Variants in KCNJ5 observed in about 807,000 individuals in gnomAD.
KCNJ5 encodes G protein-activated inward rectifier potassium channel 4.
A neutral mutation model predicts 20.2 loss-of-function variants in KCNJ5; 12 were observed. The ratio of observed to expected loss-of-function variants is 0.59; its 90% confidence interval spans 0.38 to 0.96. The LOEUF (loss-of-function observed/expected upper bound fraction) is 0.96, where lower values mean the gene tolerates loss of function less well. KCNJ5 is among the 40% of genes least tolerant of loss of function. KCNJ5 has a pLI of 0.00. For synonymous variants in KCNJ5, 210 were observed against 213.9 expected (o/e 0.98, Z 0.16); for missense variants, 449 against 557.6 (o/e 0.81, Z 1.96).
intron 1 of KCNJ5, among the ~76,000 whole-genome samples, chr11:128,906,797 T>G (rs1944424144): frequency 6.6e-6 from 1 of 152,154 alleles, no homozygotes; most frequent in East Asian, 1.9e-4. Flanking sequence ...AGATGAACTT[T>G]CTTTCTTCAG....
At chr11:128,902,069 T>TG (rs1413941156) in intron 1 of KCNJ5, 1 of 169,786 alleles carries the variant, frequency 5.9e-6, no homozygotes, top group East Asian at 1.8e-4. Flanking sequence ...GTGCCCTTTC[T>TG]GGGGCATTCT....
At chr11:128,896,607 G>GT (rs1565542600) in intron 1 of KCNJ5, among the ~76,000 whole-genome samples, 265 of 149,256 alleles carry the variant, frequency 1.8e-3, no homozygotes, top group African/African-American at 4.2e-3. Flanking sequence ...GCTTGTTGGG[G>GT]GTGTGTGTGT....
At chr11:128,908,632 G>A (rs1944457301) in intron 1 of KCNJ5, among the ~76,000 whole-genome samples, 3 of 152,228 alleles carry the variant, frequency 2.0e-5, no homozygotes, top group Non-Finnish European at 4.4e-5. Flanking sequence ...ATGTATGCAA[G>A]TATGTTTAAA....
chr11:128,903,362 C>A, intron 1 of KCNJ5: 1 of 1,614,090 alleles, frequency 6.2e-7, no homozygotes, highest in Non-Finnish European at 8.5e-7. Flanking sequence ...GGCAGCTGCA[C>A]TCACCTCACA....
intron 2 of KCNJ5, among the ~76,000 whole-genome samples, chr11:128,915,979 TG>T (rs1944572160): frequency 9.6e-5 from 9 of 93,446 alleles, no homozygotes; most frequent in East Asian, 5.7e-4. Flanking sequence ...GATGGATGGA[TG>T]GATGATTGGA....
chr11:128,902,326 A>C, intron 1 of KCNJ5: 1 of 600,682 alleles, frequency 1.7e-6, no homozygotes, highest in Non-Finnish European at 2.9e-6. Context: ...GGAAGGACTC[A>C]GCGCTTGCAG....
At chr11:128,913,477 C>T (rs962783092) in intron 2 of KCNJ5, among the ~76,000 whole-genome samples, 12 of 152,268 alleles carry the variant, frequency 7.9e-5, no homozygotes, top group South Asian at 2.1e-4. Context: ...GGCCTGGGAC[C>T]GCCTGAACTC....
Position 128,916,660 on chromosome 11 carries a change from G to A in KCNJ5, c.1189G>A (p.Glu397Lys). ...CTGTGCTGAGGCAGGGCTGGATGCA[G>A]AGGCTGAGCAGAATGAAGAAGATGA... The part of the protein sequence containing the change: ...GGCAEAGLDA[E>K]AEQNEEDEPK... Residue 397 changes from glutamate (E) to lysine (K), a missense_variant, in exon 3 of 3, where the codon GAG (glutamate) becomes AAG (lysine). Physicochemically the swap from Glu to Lys is moderately conservative, Grantham distance 56. Coordinates refer to ENST00000529694, the MANE Select transcript of KCNJ5 (RefSeq NM_000890.5). The A allele has an allele frequency of 1.9e-6, 3 of 1,612,876 alleles. No individual in the cohort carries two copies. The South Asian group carries it at 3.3e-5, about 18-fold the overall frequency.
In KCNJ5 at chr11:128,916,772, T is replaced by A. The variant is rs770346318; in HGVS notation, c.*41T>A. 24 of 1,453,176 alleles carry A rather than the reference T, an allele frequency of 1.7e-5. No homozygotes were observed. Among genetic ancestry groups the A allele is most frequent in the Middle Eastern group, 4.4e-4 (2 of 4,536 alleles). 90.0% of individuals were successfully genotyped at this position (1,453,176 alleles called of 1,614,324 possible). ...TAAGACCTCCTGTCACTGGCTTCAG[T>A]GAACACAGACACTGCAGAGCCTGGG... On this transcript the variant is annotated 3_prime_UTR_variant, in exon 3 of 3. Coordinates refer to ENST00000529694, the MANE Select transcript of KCNJ5 (RefSeq NM_000890.5).
chr11:128,905,688 T>C (rs1944396270), intron 1 of KCNJ5: 1 of 147,772 alleles, frequency 6.8e-6, no homozygotes, highest in African/African-American at 2.5e-5. Context: ...ACCTGGACCT[T>C]AGGCGTGGGA....
intron 1 of KCNJ5, among the ~76,000 whole-genome samples, chr11:128,907,904 A>G (rs1292683125): frequency 1.3e-5 from 2 of 152,192 alleles, no homozygotes; most frequent in East Asian, 3.8e-4. Flanking sequence ...GTAGTTCCTC[A>G]ATTAATGTGT....
In KCNJ5 at chr11:128,917,430, C is replaced by G. The variant is rs1944601440; in HGVS notation, c.*699C>G. 6.6e-6 allele frequency: 1 copy of G among 152,512 alleles called. No individual in the cohort carries two copies. Among genetic ancestry groups the G allele is most frequent in the Non-Finnish European group, 1.5e-5 (1 of 68,268 alleles). The allele number at this position is 152,512 out of a possible 1,614,324, so 9.4% of individuals were successfully genotyped here. On this transcript the variant is annotated 3_prime_UTR_variant, in exon 3 of 3. Coordinates refer to ENST00000529694, the MANE Select transcript of KCNJ5 (RefSeq NM_000890.5). ...AAGGTGGCCTGGGACTAGACAGCCC[C>G]TCTGAGCACATGCATAGTGGCATCA...
intron 1 of KCNJ5, among the ~76,000 whole-genome samples, chr11:128,892,706 CT>C (rs1193356847): frequency 2.0e-5 from 3 of 152,202 alleles, no homozygotes; most frequent in African/African-American, 7.2e-5. Context: ...CTATATCTGA[CT>C]CCAAAATGTG....
At chr11:128,897,830 C>G (rs1944201369) in intron 1 of KCNJ5, among the ~76,000 whole-genome samples, 1 of 152,228 alleles carries the variant, frequency 6.6e-6, no homozygotes, top group South Asian at 2.1e-4. Context: ...GGTATAAAGT[C>G]TGAGACTTAG....
Position 128,902,473 on chromosome 11 carries a change from A to G in KCNJ5, c.-10-8791A>G, listed in dbSNP as rs1329645891. ...AGGAGAAGGCAGCGAGGAACCCCGC[A>G]CTTTAAGGAACAGGGATGTCATAGC... On this transcript the variant is annotated intron_variant, in intron 1 of 2. Transcript: ENST00000529694. 7 of 1,529,180 alleles carry G rather than the reference A, an allele frequency of 4.6e-6. No individual in the cohort carries two copies. In the African/African-American group the frequency reaches 8.3e-5, roughly 18 times the overall value. 94.7% of individuals were successfully genotyped at this position (1,529,180 alleles called of 1,614,324 possible).
chr11:128,894,862 C>T (rs1028511609), intron 1 of KCNJ5, among the ~76,000 whole-genome samples: 1 of 152,184 alleles, frequency 6.6e-6, no homozygotes, highest in East Asian at 1.9e-4. Flanking sequence ...TGGCGGGAAC[C>T]CTTGCCAAGA....
chr11:128,905,130 C>T (rs1944377408), intron 1 of KCNJ5, among the ~76,000 whole-genome samples: 1 of 152,238 alleles, frequency 6.6e-6, no homozygotes, highest in Admixed American at 6.5e-5. Flanking sequence ...GTGGCTGGGG[C>T]CGCTGGCCCG....
rs150642627 is a variant in KCNJ5, at chr11:128,908,937, A to G, written c.-10-2327A>G. ...CAGGATGAAGTCTCCCACTTAAGGC[A>G]GAGCAAATTCCTGCTTGGGATTCTG... is the stretch of plus-strand genomic sequence containing the variant. On this transcript the variant is annotated intron_variant, in intron 1 of 2. Transcript: ENST00000529694. Among the ~76,000 whole-genome samples the G allele has an allele frequency of 3.2e-3, 483 of 152,328 alleles. 3 individuals carry two copies. Among genetic ancestry groups the G allele is most frequent in the African/African-American group, 0.011 (460 of 41,578 alleles).
chr11:128,912,001 A>C lies in KCNJ5; in HGVS notation c.728A>C (p.Gln243Pro). 1 of 1,609,062 alleles carries C rather than the reference A, an allele frequency of 6.2e-7. No homozygotes were observed. The highest frequency in any genetic ancestry group is 8.5e-7 in the Non-Finnish European group (1 of 1,176,236). ...SIRAKLIKSR[Q>P]TKEGEFIPLN... ...CGGGCCAAGCTCATCAAGTCCCGGCAGACCAAAGAGGGGGAGTTCATCCCC... is the reference window on the plus strand; with the variant it reads ...CGGGCCAAGCTCATCAAGTCCCGGCCGACCAAAGAGGGGGAGTTCATCCCC... The change falls in exon 2 of 3, where the codon CAG becomes CCG. Residue 243 changes from glutamine to proline, a missense_variant. By Grantham distance (76) the Gln-to-Pro change is moderately conservative. Around this residue, in one of 5 missense-constraint regions of KCNJ5, gnomAD observed 145 missense variants for 166.2 expected, o/e 0.87. Coordinates refer to ENST00000529694, the MANE Select transcript of KCNJ5 (RefSeq NM_000890.5).
Sources: gnomAD v4.1 joint callset for allele counts (sites outside exome capture counted in the v4.1 genomes callset) on GRCh38, gnomAD v4.1.1 for gene constraint, gnomAD v4.1.1 regional missense constraint, MANE v1.5 for transcripts, NCBI Gene and HGNC (gene_info 2026-07-23, HGNC 2026-07-21) for gene names.